NTM: variants seen among roughly 807,000 people sequenced by gnomAD.
NTM encodes the protein neurotrimin, also known as IgLON family member 2.
Under a neutral mutation model 42.1 loss-of-function variants are expected in NTM, and 13 were observed. That is an observed-to-expected ratio of 0.31 (90% CI 0.20 to 0.49). The LOEUF (loss-of-function observed/expected upper bound fraction) is 0.49, where lower values mean the gene tolerates loss of function less well. NTM is among the 20% of genes least tolerant of loss of function. The pLI, the probability that NTM is intolerant of heterozygous loss-of-function variation, is 0.99. For synonymous variants in NTM, 187 were observed against 179.2 expected, an observed-to-expected ratio of 1.04 and a Z score of -0.35; for missense variants, 373 against 452.8, an observed-to-expected ratio of 0.82 and a Z score of 1.60.
chr11:131,525,392 G>T (rs957025323), intron 1 of NTM, among the ~76,000 whole-genome samples: 8 of 152,312 alleles, frequency 5.3e-5, no homozygotes, highest in Non-Finnish European at 8.8e-5. Flanking sequence ...GCCATAAAGG[G>T]TTTGCAGGCG....
At chr11:131,742,263 A>G (rs745432830) in intron 1 of NTM, among the ~76,000 whole-genome samples, 9 of 152,214 alleles carry the variant, frequency 5.9e-5, no homozygotes, top group Admixed American at 3.3e-4. Flanking sequence ...TAAACTCAAA[A>G]TGTGTAAATT....
chr11:132,174,083 A>G (rs1454824381), intron 3 of NTM, among the ~76,000 whole-genome samples: 1 of 152,148 alleles, frequency 6.6e-6, no homozygotes, highest in Admixed American at 6.5e-5. Flanking sequence ...AGCAGTGGAA[A>G]AAGAGCTTAA....
At chr11:131,789,877 A>G (rs1026756044) in intron 1 of NTM, among the ~76,000 whole-genome samples, 1 of 141,366 alleles carries the variant, frequency 7.1e-6, no homozygotes, top group Non-Finnish European at 1.5e-5. Flanking sequence ...AATGGCGTGA[A>G]CCCGGGAGGC....
chr11:132,099,762 C>A (rs1035182418), intron 2 of NTM, among the ~76,000 whole-genome samples: 1 of 152,148 alleles, frequency 6.6e-6, no homozygotes, highest in Non-Finnish European at 1.5e-5. Context: ...CTACATAATA[C>A]AAAATGTACC....
intron 1 of NTM, among the ~76,000 whole-genome samples, chr11:131,591,293 G>T (rs1227501657): frequency 6.6e-6 from 1 of 152,204 alleles, no homozygotes. Flanking sequence ...CCCTCCTGGG[G>T]GGCCCAGATC....
chr11:131,899,922 A>G (rs1315851339), intron 1 of NTM, among the ~76,000 whole-genome samples: 1 of 152,240 alleles, frequency 6.6e-6, no homozygotes, highest in Non-Finnish European at 1.5e-5. Flanking sequence ...AAATTATTTC[A>G]ATTTTTGAAT....
intron 4 of NTM, among the ~76,000 whole-genome samples, chr11:132,253,385 A>G (rs1861155147): frequency 6.6e-6 from 1 of 152,236 alleles, no homozygotes; most frequent in African/African-American, 2.4e-5. Context: ...ATTTCATCCA[A>G]GGTCTGGCTA....
At chr11:131,423,406 G>A (rs1315967601) in intron 1 of NTM, among the ~76,000 whole-genome samples, 1 of 152,168 alleles carries the variant, frequency 6.6e-6, no homozygotes, top group South Asian at 2.1e-4. Flanking sequence ...TCATAGTAAA[G>A]ATTCAGCACC....
intron 2 of NTM, among the ~76,000 whole-genome samples, chr11:132,112,065 A>T (rs964686156): frequency 6.6e-6 from 1 of 152,160 alleles, no homozygotes; most frequent in African/African-American, 2.4e-5. Context: ...TTCCTTTCCC[A>T]TTTGTCCTGA....
At chr11:132,157,626 C>T (rs912208412) in intron 3 of NTM, among the ~76,000 whole-genome samples, 8 of 152,254 alleles carry the variant, frequency 5.3e-5, no homozygotes, top group East Asian at 1.9e-4. Context: ...AGATTAAAAT[C>T]GCTAAACATT....
chr11:131,583,601 C>G (rs2058606207), intron 1 of NTM, among the ~76,000 whole-genome samples: 1 of 152,138 alleles, frequency 6.6e-6, no homozygotes. Flanking sequence ...ATTCTTTAAA[C>G]ATTAATTAGT....
intron 1 of NTM, among the ~76,000 whole-genome samples, chr11:131,741,210 G>A (rs2081166143): frequency 3.7e-5 from 5 of 134,520 alleles, no homozygotes; most frequent in Admixed American, 2.9e-4. Flanking sequence ...AGAGAGAGAT[G>A]TTTTTTGGAG....
At chr11:132,199,421 CTT>C in intron 3 of NTM, among the ~76,000 whole-genome samples, 1 of 152,184 alleles carries the variant, frequency 6.6e-6, no homozygotes, top group East Asian at 1.9e-4. Flanking sequence ...TGGTCAGGCT[CTT>C]TGATGTGCAG....
At chr11:131,835,794 A>G (rs1488551586) in intron 1 of NTM, among the ~76,000 whole-genome samples, 4 of 152,226 alleles carry the variant, frequency 2.6e-5, no homozygotes, top group Non-Finnish European at 4.4e-5. Context: ...TATTTGTTTT[A>G]ACTCCAAACT....
intron 3 of NTM, among the ~76,000 whole-genome samples, chr11:132,204,124 G>C (rs1441244695): frequency 6.6e-6 from 1 of 152,176 alleles, no homozygotes; most frequent in Non-Finnish European, 1.5e-5. Context: ...GACCTGGGCA[G>C]TTGGTTGCCT....
intron 1 of NTM, among the ~76,000 whole-genome samples, chr11:131,428,880 CAAAAAAAAAAA>C (rs35312475): frequency 2.4e-5 from 2 of 84,008 alleles, no homozygotes; most frequent in South Asian, 4.6e-4. Context: ...ACTAAAAATA[CAAAAAAAAAAA>C]AAAAAAAAAA....
chr11:131,904,027 T>C (rs553025987), intron 1 of NTM, among the ~76,000 whole-genome samples: 1 of 152,064 alleles, frequency 6.6e-6, no homozygotes, highest in Non-Finnish European at 1.5e-5. Context: ...ATGGGCTGAG[T>C]TGAAACTAGA....
At chr11:131,752,637 C>A (rs1264671149) in intron 1 of NTM, among the ~76,000 whole-genome samples, 1 of 152,116 alleles carries the variant, frequency 6.6e-6, no homozygotes, top group Non-Finnish European at 1.5e-5. Context: ...TTGGAACCAA[C>A]CCAAATGTCC....
chr11:131,412,801 G>A (rs1184630505), intron 1 of NTM, among the ~76,000 whole-genome samples: 1 of 109,316 alleles, frequency 9.1e-6, no homozygotes, highest in East Asian at 2.1e-4. Context: ...CCCTTCTTAC[G>A]GGGCGTGTGT....
Sources: allele counts gnomAD v4.1 joint callset (sites outside exome capture counted in the v4.1 genomes callset), GRCh38; gene constraint gnomAD v4.1.1; transcripts MANE v1.5; gene names NCBI Gene and HGNC (gene_info 2026-07-23, HGNC 2026-07-21).